Variants in STK32B observed in about 807,000 individuals in gnomAD.
STK32B encodes serine/threonine kinase 32B.
A neutral mutation model predicts 52.6 loss-of-function variants in STK32B; 43 were observed. The observed-to-expected ratio is 0.82, with a 90% CI of 0.64 to 1.05. STK32B has a LOEUF of 1.05. Among genes scored for constraint, STK32B ranks in the 50% least tolerant of loss-of-function variants. The pLI is 0.00. For synonymous variants in STK32B, 238 were observed against 204.3 expected (o/e 1.17, Z -1.41); for missense variants, 621 against 534.6 (o/e 1.16, Z -1.59).
intron 3 of STK32B, among the ~76,000 whole-genome samples, chr4:5,258,020 A>G (rs778595667): frequency 3.3e-5 from 5 of 152,158 alleles, no homozygotes; most frequent in Admixed American, 6.5e-5. Flanking sequence ...CCGAGTTCAA[A>G]TCTTACTCCT....
Position 5,356,690 on chromosome 4 carries a change from C to T in STK32B, c.434+25297C>T, listed in dbSNP as rs141570035. On this transcript the variant is annotated intron_variant, in intron 4 of 11. Transcript: ENST00000282908. ...GTTACCTATTATAGGTCTCAGCACA[C>T]GGTAGGTGTTTAATAAGTGTATATT... 1.1e-3 allele frequency among the ~76,000 whole-genome samples: 164 copies of T among 152,252 alleles called. 2 individuals are homozygous for T. In the Middle Eastern group the frequency reaches 0.014, roughly 13 times the overall value.
At chr4:5,468,498 C>A (rs768088343) in intron 11 of STK32B, among the ~76,000 whole-genome samples, 1 of 152,192 alleles carries the variant, frequency 6.6e-6, no homozygotes, top group Non-Finnish European at 1.5e-5. Context: ...CTCCTTAAGA[C>A]GCGGGGCTGT....
chr4:5,053,468 C>A (rs1741868631), intron 1 of STK32B, among the ~76,000 whole-genome samples: 1 of 152,172 alleles, frequency 6.6e-6, no homozygotes, highest in East Asian at 1.9e-4. Context: ...AAAGGTCATG[C>A]TTTTGCTAAT....
intron 3 of STK32B, among the ~76,000 whole-genome samples, chr4:5,276,296 G>GA (rs200643990): frequency 0.023 from 3,481 of 150,742 alleles, 66 homozygotes; most frequent in Non-Finnish European, 0.036. Context: ...CTCAAAAAAA[G>GA]AAAAAAAAAT....
intron 6 of STK32B, among the ~76,000 whole-genome samples, chr4:5,418,803 T>C (rs1046286736): frequency 2.0e-5 from 3 of 152,210 alleles, no homozygotes; most frequent in Admixed American, 6.5e-5. Flanking sequence ...CCAAAATCTT[T>C]CTTCCCTGAC....
At chr4:5,213,875 T>C (rs541840655) in intron 3 of STK32B, among the ~76,000 whole-genome samples, 1 of 152,348 alleles carries the variant, frequency 6.6e-6, no homozygotes, top group East Asian at 1.9e-4. Flanking sequence ...TGAGATTAAA[T>C]TACCAATTAA....
chr4:5,254,055 G>C (rs1276634104), intron 3 of STK32B, among the ~76,000 whole-genome samples: 1 of 152,216 alleles, frequency 6.6e-6, no homozygotes, highest in Non-Finnish European at 1.5e-5. Flanking sequence ...AAAGTGTTGG[G>C]ATTACAGGCG....
Position 5,467,384 on chromosome 4 carries a change from G to C in STK32B, c.1041+550G>C, listed in dbSNP as rs991364838. On this transcript the variant is annotated intron_variant, in intron 10 of 11. Transcript: ENST00000282908. The surrounding 1 kb of genome is among the most constrained non-coding windows in gnomAD (Gnocchi z 5.8). ...CGGCCGGCCCCCTTGTCCTTCGCTG[G>C]CTCGCAGCTGCATGGTTCCAGTCTC... Among the ~76,000 whole-genome samples, 1 of 152,138 alleles carries C rather than the reference G, an allele frequency of 6.6e-6. No homozygotes were observed. The highest frequency in any genetic ancestry group is 1.5e-5 in the Non-Finnish European group (1 of 68,026).
At chr4:5,302,657 G>C (rs1237506217) in intron 3 of STK32B, among the ~76,000 whole-genome samples, 1 of 152,004 alleles carries the variant, frequency 6.6e-6, no homozygotes, top group Non-Finnish European at 1.5e-5. Flanking sequence ...TGTTTGCTTA[G>C]ATTAAGTTCT....
intron 1 of STK32B, among the ~76,000 whole-genome samples, chr4:5,060,513 A>T (rs189484843): frequency 6.6e-6 from 1 of 152,150 alleles, no homozygotes; most frequent in Non-Finnish European, 1.5e-5. Flanking sequence ...TTTTAAAAAT[A>T]GTTTTCTTCT....
chr4:5,056,803 C>A (rs183283215), intron 1 of STK32B, among the ~76,000 whole-genome samples: 2 of 152,188 alleles, frequency 1.3e-5, no homozygotes, highest in Non-Finnish European at 2.9e-5. Flanking sequence ...GGGGTAGAGT[C>A]AGCTCCACTT....
At chr4:5,448,856 A>C (rs1715712961) in intron 7 of STK32B, among the ~76,000 whole-genome samples, 1 of 152,200 alleles carries the variant, frequency 6.6e-6, no homozygotes, top group African/African-American at 2.4e-5. Flanking sequence ...GTTTATGCAA[A>C]TAATTTATTC....
chr4:5,493,824 A>T (rs539292168), intron 11 of STK32B, among the ~76,000 whole-genome samples: 36 of 152,276 alleles, frequency 2.4e-4, no homozygotes, highest in African/African-American at 7.7e-4. Flanking sequence ...TTCTGCCTTC[A>T]TTTCGTTATG....
chr4:5,141,814 AC>A (rs968750914), intron 2 of STK32B, among the ~76,000 whole-genome samples: 15 of 151,792 alleles, frequency 9.9e-5, no homozygotes, highest in African/African-American at 9.7e-5. Flanking sequence ...CTTTTCACCC[AC>A]CCCCTCCACC....
chr4:5,256,024 C>CT (rs1726270608), intron 3 of STK32B, among the ~76,000 whole-genome samples: 2 of 152,242 alleles, frequency 1.3e-5, no homozygotes, highest in African/African-American at 4.8e-5. Context: ...ATTGACTATA[C>CT]TGAATCTAAA....
At chr4:5,116,409 A>C (rs149897179) in intron 1 of STK32B, among the ~76,000 whole-genome samples, 13 of 152,348 alleles carry the variant, frequency 8.5e-5, no homozygotes, top group Non-Finnish European at 1.6e-4. Flanking sequence ...TTTACAGTCT[A>C]TGGCTTGATG....
chr4:5,330,776 T>G (rs1016184264), intron 3 of STK32B, among the ~76,000 whole-genome samples: 1 of 152,060 alleles, frequency 6.6e-6, no homozygotes, highest in Non-Finnish European at 1.5e-5. Flanking sequence ...CATTCAAGAG[T>G]TGCAGAAACA....
At chr4:5,389,550 T>C (rs1736466374) in intron 4 of STK32B, among the ~76,000 whole-genome samples, 2 of 152,268 alleles carry the variant, frequency 1.3e-5, no homozygotes, top group South Asian at 4.1e-4. Flanking sequence ...CCAGTCAGAT[T>C]GGATTTGAGT....
intron 11 of STK32B, among the ~76,000 whole-genome samples, chr4:5,485,645 T>G (rs373894124): frequency 1.1e-4 from 16 of 152,310 alleles, no homozygotes; most frequent in Middle Eastern, 3.4e-3. Context: ...TGCGTTCCTT[T>G]GGAGGAGGAG....
Sources: gnomAD v4.1 joint callset for allele counts (sites outside exome capture counted in the v4.1 genomes callset) on GRCh38, gnomAD v4.1.1 for gene constraint, Gnocchi (gnomAD v3.1) non-coding constraint, MANE v1.5 for transcripts, NCBI Gene and HGNC (gene_info 2026-07-23, HGNC 2026-07-21) for gene names.